The following YDJC variants were observed in gnomAD, a reference collection of about 807,000 sequenced individuals.
The protein encoded by YDJC is YdjC chitooligosaccharide deacetylase homolog, also known as carbohydrate deacetylase.
YDJC carries 23 observed loss-of-function variants against 18.9 expected under a neutral mutation model. The observed-to-expected ratio is 1.22, with a 90% CI of 0.87 to 1.72. The LOEUF is 1.72. YDJC is among the 40% of genes most tolerant of loss of function. YDJC has a pLI of 0.00. For missense variants in YDJC, 467 were observed against 470.8 expected, an observed-to-expected ratio of 0.99 and a Z score of 0.07; for synonymous variants, 224 against 217.6, an observed-to-expected ratio of 1.03 and a Z score of -0.26.
chr22:21,628,523 A>G lies in YDJC; in HGVS notation c.867T>C (p.Asp289=). 1.2e-6 allele frequency: 2 copies of G among 1,612,336 alleles called. No individual in the cohort carries two copies. The highest frequency in any genetic ancestry group is 1.7e-6 in the Non-Finnish European group (2 of 1,179,088). Residue 289 remains aspartate (D), a synonymous_variant, in exon 5 of 5, where the codon GAT becomes GAC. Coordinates refer to ENST00000292778, the MANE Select transcript of YDJC (RefSeq NM_001017964.2). ...APTLRAQLAQ[D]GVQLCALDDL... ...CGTCGAGGGCGCAAAGCTGCACGCC[A>G]TCCTGGGCAAGCTGGGCCCGCAGCG... is the stretch of plus-strand genomic sequence containing the variant.
rs1930430181 is a variant in YDJC at position 21,629,884 on chromosome 22, G to A, written c.131C>T (p.Ala44Val). The change falls in exon 1 of 5, where the codon GCG becomes GTG. Residue 44 changes from alanine (A) to valine (V), a missense_variant. Physicochemically the swap from Ala to Val is moderately conservative, Grantham distance 64. Coordinates refer to ENST00000292778, the MANE Select transcript of YDJC (RefSeq NM_001017964.2). ...VTSVSLLVNG[A>V]ATESAAELAR... ...CAGCTCCGCCGCGCTCTCCGTGGCC[G>A]CACCGTTGACCAGCAGGGACACGCT... 1.3e-6 allele frequency: 2 copies of A among 1,586,010 alleles called. No individual in the cohort carries two copies. Among genetic ancestry groups the A allele is most frequent in the African/African-American group, 1.4e-5 (1 of 72,776 alleles).
At chr22:21,628,943 G>T in intron 4 of YDJC, 67 bp downstream of exon 4, 1 of 1,433,754 alleles carries the variant, frequency 7.0e-7, no homozygotes, top group Non-Finnish European at 9.1e-7. Flanking sequence ...GACACAGCTA[G>T]CCAGGTGAAC....
chr22:21,629,443 G>T, intron 2 of YDJC, 36 bp from the exon 3 acceptor site: 1 of 1,538,536 alleles, frequency 6.5e-7, no homozygotes, highest in Non-Finnish European at 8.8e-7. Flanking sequence ...GAGCGACCGG[G>T]AGTAGCTGCC....
At position 21,629,718 on chromosome 22, in the gene YDJC, G is replaced by A. The variant is rs1313770838; in HGVS notation, c.208C>T (p.Arg70Cys). 3 of 1,577,086 alleles carry A rather than the reference G, an allele frequency of 1.9e-6. No homozygotes were observed. ...CCACGGCGGGCCGGACCCACGGGGC[G>A]GCCCTCGGACAGGTTGGCGTGGAGG... Reference protein sequence around the residue: ...TGLHANLSEGRPVGPARRGAS... With the variant: ...TGLHANLSEGCPVGPARRGAS... The change falls in exon 2 of 5, where the codon CGC (arginine) becomes TGC (cysteine). Residue 70 changes from arginine to cysteine, a missense_variant. Arg to Cys is a radical substitution (Grantham distance 180). Coordinates refer to ENST00000292778, the MANE Select transcript of YDJC (RefSeq NM_001017964.2).
chr22:21,629,205 C>A lies in YDJC; in HGVS notation c.425-18G>T. 2 of 1,545,962 alleles carry A rather than the reference C, an allele frequency of 1.3e-6. No homozygotes were observed. The highest frequency in any genetic ancestry group is 1.7e-6 in the Non-Finnish European group (2 of 1,146,218). The stretch of plus-strand genomic sequence containing the variant: ...GCACACGCCTGCGGGCGGAGCGGGT[C>A]AGGGAGGAGCACGTCCTTTCACCTG... On this transcript the variant is annotated intron_variant, in intron 3 of 4. Transcript: ENST00000292778.
intron 4 of YDJC, 108 bp from the exon 5 acceptor site, chr22:21,628,895 A>G: frequency 2.8e-6 from 4 of 1,415,868 alleles, no homozygotes; most frequent in Non-Finnish European, 2.8e-6. Context: ...GGGTGGCGGC[A>G]GCGGTCGACG....
chr22:21,629,666 C>T lies in YDJC; in HGVS notation c.260G>A (p.Gly87Asp). ...GAATCCCATCTTGCCAAGGAAGAAG[C>T]CTTCCGGGCCGAGCAGCGATGAGGC... Reference protein sequence around the residue: ...RGASSLLGPEGFFLGKMGFRE... With the variant: ...RGASSLLGPEDFFLGKMGFRE... The change falls in exon 2 of 5, where the codon GGC becomes GAC. Residue 87 changes from glycine (G) to aspartate (D), a missense_variant. Physicochemically the swap from Gly to Asp is moderately conservative, Grantham distance 94. Coordinates refer to ENST00000292778, the MANE Select transcript of YDJC (RefSeq NM_001017964.2). 3 of 1,611,624 alleles carry T rather than the reference C, an allele frequency of 1.9e-6. No individual in the cohort carries two copies.
chr22:21,628,261 T>C lies in YDJC; in HGVS notation c.*157A>G, dbSNP rs1930318043. 9.5e-7 allele frequency: 1 copy of C among 1,052,780 alleles called. No individual in the cohort carries two copies. The highest frequency in any genetic ancestry group is 1.6e-5 in the African/African-American group (1 of 61,198). 65.2% of individuals were successfully genotyped at this position (1,052,780 alleles called of 1,614,324 possible). On this transcript the variant is annotated 3_prime_UTR_variant, in exon 5 of 5. Transcript: ENST00000292778. ...AGGCTGCTCAAACTCTAGATGCCAT[T>C]TGGAGGCATGAGGACCTGAGCCCAG... is the stretch of plus-strand genomic sequence containing the variant.
chr22:21,629,464 T>TC, intron 2 of YDJC, 57 bp from the exon 3 acceptor site: 1 of 1,536,228 alleles, frequency 6.5e-7, no homozygotes, highest in Non-Finnish European at 8.8e-7. Flanking sequence ...GAGGATACCC[T>TC]CCTCGTGCTT....
Position 21,629,408 on chromosome 22 carries a change from C to T in YDJC, c.325-1G>A, listed in dbSNP as rs1343935095. ...GTTGGGCCTCGAGCTCCTCCCGCAC[C>T]TAGAGGGCGAGCGAGAGACACCTTG... On this transcript the variant is annotated splice_acceptor_variant, in intron 2 of 4. Coordinates refer to ENST00000292778, the MANE Select transcript of YDJC (RefSeq NM_001017964.2). LOFTEE classifies it high-confidence loss of function. 1 of 1,547,096 alleles carries T rather than the reference C, an allele frequency of 6.5e-7. No individual in the cohort carries two copies. The highest frequency in any genetic ancestry group is 8.7e-7 in the Non-Finnish European group (1 of 1,146,298).
Position 21,629,751 on chromosome 22 carries a change from G to T in YDJC, c.175C>A (p.Pro59Thr). The change falls in exon 2 of 5, where the codon CCC becomes ACC. Residue 59 changes from proline to threonine, a missense_variant. Physicochemically the swap from Pro to Thr is conservative, Grantham distance 38. Coordinates refer to ENST00000292778, the MANE Select transcript of YDJC (RefSeq NM_001017964.2). ...AAELARRHSI[P>T]TGLHANLSEG... ...GACAGGTTGGCGTGGAGGCCCGTGG[G>T]GATGCTGTGCCTGAGGGCGGAGCGC... The T allele has an allele frequency of 6.6e-7, 1 of 1,516,808 alleles. No individual in the cohort carries two copies. Among genetic ancestry groups the T allele is most frequent in the East Asian group, 2.5e-5 (1 of 40,326 alleles). 94.0% of individuals were successfully genotyped at this position (1,516,808 alleles called of 1,614,324 possible).
rs1277037813 is a variant in YDJC, at chr22:21,628,626, CCGGTGGGAGGCACA to C, written c.750_763del (p.Ser250ArgfsTer5). 1 of 1,591,548 alleles carries C rather than the reference CCGGTGGGAGGCACA, an allele frequency of 6.3e-7. No homozygotes were observed. The highest frequency in any genetic ancestry group is 8.5e-7 in the Non-Finnish European group (1 of 1,169,940). On this transcript the variant is annotated frameshift_variant, in exon 5 of 5. Coordinates refer to ENST00000292778, the MANE Select transcript of YDJC (RefSeq NM_001017964.2). LOFTEE classifies it low-confidence loss of function (END_TRUNC). ...AGCGTCGGGGCCTTCACCGCAGCCGCCGGTGGGAGGCACACTGGGGTAGCCGGGGTGCGCCATCA... is the reference window on the plus strand; with the variant it reads ...AGCGTCGGGGCCTTCACCGCAGCCGCCTGGGGTAGCCGGGGTGCGCCATCA...
In YDJC at chr22:21,629,341, C is replaced by T. The variant is rs1483755068; in HGVS notation, c.391G>A (p.Ala131Thr). The change falls in exon 3 of 5, where the codon GCG becomes ACG. Residue 131 changes from alanine (A) to threonine (T), a missense_variant. Ala to Thr is a moderately conservative substitution (Grantham distance 58). Coordinates refer to ENST00000292778, the MANE Select transcript of YDJC (RefSeq NM_001017964.2). ...RELLGRAPTH[A>T]DGHQHVHVLP... ...ACGTGCACGTGCTGGTGCCCGTCCG[C>T]GTGCGTGGGGGCCCTGCCCAGCAGC... The T allele has an allele frequency of 3.2e-6, 5 of 1,550,426 alleles. No individual in the cohort carries two copies. The highest frequency in any genetic ancestry group is 3.5e-6 in the Non-Finnish European group (4 of 1,146,928).
chr22:21,628,300 C>T lies in YDJC; in HGVS notation c.*118G>A. 1.2e-5 allele frequency: 16 copies of T among 1,366,694 alleles called. No individual in the cohort carries two copies. Among genetic ancestry groups the T allele is most frequent in the Non-Finnish European group, 1.5e-5 (15 of 1,032,266 alleles). 84.7% of individuals were successfully genotyped at this position (1,366,694 alleles called of 1,614,324 possible). A position where few individuals can be genotyped will look rare whatever the true frequency, so the allele number is the denominator to read the frequency against. On this transcript the variant is annotated 3_prime_UTR_variant, in exon 5 of 5. Transcript: ENST00000292778. ...ACCTGAGCCCAGAGGTGGCAGTGTC[C>T]TACCCAGGGAAGTCAACAGATCGTG...
In YDJC at chr22:21,628,481, C is replaced by T; in HGVS notation, c.909G>A (p.Arg303=). The stretch of plus-strand genomic sequence containing the variant: ...GCTCACAGGGGACCTCCTCCCCTGG[C>T]CTCTTGGAGTCCAGGTCGTCGAGGG... ...LCALDDLDSK[R]PGEEVPCEPT... is the part of the protein sequence containing the mutation. Residue 303 remains arginine, a synonymous_variant, in exon 5 of 5, where the codon AGG becomes AGA. Coordinates refer to ENST00000292778, the MANE Select transcript of YDJC (RefSeq NM_001017964.2). The T allele has an allele frequency of 6.2e-7, 1 of 1,606,562 alleles. No homozygotes were observed. The highest frequency in any genetic ancestry group is 1.1e-5 in the South Asian group (1 of 90,306).
At position 21,628,858 on chromosome 22, in the gene YDJC, G is replaced by A. The variant is rs1055628829; in HGVS notation, c.603-71C>T. 3.5e-6 allele frequency: 5 copies of A among 1,426,176 alleles called. No individual in the cohort carries two copies. The African/African-American group carries it at 7.2e-5, about 21-fold the overall frequency. The allele number at this position is 1,426,176 out of a possible 1,614,324, so 88.3% of individuals were successfully genotyped here. ...CCAAGGGCTAGGTAGGCTAGGGAAG[G>A]GACGGCGGGGTGGGAGGGGGTAACT... On this transcript the variant is annotated intron_variant, in intron 4 of 4. Coordinates refer to ENST00000292778, the MANE Select transcript of YDJC (RefSeq NM_001017964.2).
chr22:21,628,353 A>G lies in YDJC; in HGVS notation c.*65T>C, dbSNP rs1180139120. ...CCAGGTCCCAGCTCTGGGCTGGGCC[A>G]GGACTAAATCCTGGCTCCCCTTTCT... On this transcript the variant is annotated 3_prime_UTR_variant, in exon 5 of 5. Coordinates refer to ENST00000292778, the MANE Select transcript of YDJC (RefSeq NM_001017964.2). 1.2e-5 allele frequency: 18 copies of G among 1,477,890 alleles called. No homozygotes were observed. Among genetic ancestry groups the G allele is most frequent in the Non-Finnish European group, 1.6e-5 (18 of 1,109,432 alleles). 91.5% of individuals were successfully genotyped at this position (1,477,890 alleles called of 1,614,324 possible).
rs747910071 is a variant in YDJC at position 21,628,464 on chromosome 22, G to A, written c.926C>T (p.Pro309Leu). Residue 309 changes from proline (P) to leucine (L), a missense_variant, in exon 5 of 5, where the codon CCC becomes CTC. By Grantham distance (98) the Pro-to-Leu change is moderately conservative (BLOSUM62 -3). Coordinates refer to ENST00000292778, the MANE Select transcript of YDJC (RefSeq NM_001017964.2). ...GAAGGGTTCCAGAGTGGGCTCACAG[G>A]GGACCTCCTCCCCTGGCCTCTTGGA... ...LDSKRPGEEV[P>L]CEPTLEPFLE... 13 of 1,592,454 alleles carry A rather than the reference G, an allele frequency of 8.2e-6. No individual in the cohort carries two copies. Among genetic ancestry groups the A allele is most frequent in the African/African-American group, 2.7e-5 (2 of 74,440 alleles).
rs1352796770 is a variant in YDJC, at chr22:21,628,314, C to G, written c.*104G>C. 7.0e-7 allele frequency: 1 copy of G among 1,430,400 alleles called. No homozygotes were observed. The highest frequency in any genetic ancestry group is 9.3e-7 in the Non-Finnish European group (1 of 1,079,332). The allele number at this position is 1,430,400 out of a possible 1,614,324, so 88.6% of individuals were successfully genotyped here. A position where few individuals can be genotyped will look rare whatever the true frequency, so the allele number is the denominator to read the frequency against. On this transcript the variant is annotated 3_prime_UTR_variant, in exon 5 of 5. Coordinates refer to ENST00000292778, the MANE Select transcript of YDJC (RefSeq NM_001017964.2). ...GTGGCAGTGTCCTACCCAGGGAAGTCAACAGATCGTGCTCCAGGTCCCAGC... is the reference window on the plus strand; with the variant it reads ...GTGGCAGTGTCCTACCCAGGGAAGTGAACAGATCGTGCTCCAGGTCCCAGC...
Sources: gnomAD v4.1 joint callset for allele counts on GRCh38, gnomAD v4.1.1 for gene constraint, MANE v1.5 for transcripts, NCBI Gene and HGNC (gene_info 2026-07-23, HGNC 2026-07-21) for gene names.